The following ANKS1B variants were observed in gnomAD, a reference collection of about 807,000 sequenced individuals.
ANKS1B encodes ankyrin repeat and sterile alpha motif domain containing 1B.
ANKS1B carries 36 observed loss-of-function variants against 148.3 expected under a neutral mutation model. The ratio of observed to expected loss-of-function variants is 0.24; its 90% CI spans 0.19 to 0.32. The LOEUF (loss-of-function observed/expected upper bound fraction) is 0.32, where lower values mean the gene tolerates loss of function less well. Ranked by LOEUF, ANKS1B falls within the 10% of genes least tolerant of loss-of-function variation. ANKS1B has a pLI of 1.00. For synonymous variants in ANKS1B, 542 were observed against 560.8 expected, an observed-to-expected ratio of 0.97 and a Z score of 0.47; for missense variants, 1,157 against 1,542.6, an observed-to-expected ratio of 0.75 and a Z score of 4.19.
At chr12:99,340,233 T>C (rs2089671011) in intron 12 of ANKS1B, among the ~76,000 whole-genome samples, 1 of 152,158 alleles carries the variant, frequency 6.6e-6, no homozygotes, top group Non-Finnish European at 1.5e-5. Flanking sequence ...CACTTGGCTC[T>C]GATGATCAAA....
In ANKS1B at chr12:99,463,590, T is replaced by C. The variant is rs186568698; in HGVS notation, c.1439-19781A>G. The stretch of plus-strand genomic sequence containing the variant: ...GAAAATCAGGTCACTCCCACCCTAA[T>C]ACTGCGCTTTTCCGACAGGCTTAAA... On this transcript the variant is annotated intron_variant, in intron 10 of 26. Transcript: ENST00000683438. Among the ~76,000 whole-genome samples, 755 of 152,328 alleles carry C rather than the reference T, an allele frequency of 5.0e-3. 3 individuals are homozygous for C. The highest frequency in any genetic ancestry group is 8.0e-3 in the Non-Finnish European group (547 of 68,032).
chr12:99,636,818 G>A (rs1018464501), intron 9 of ANKS1B, among the ~76,000 whole-genome samples: 2 of 152,038 alleles, frequency 1.3e-5, no homozygotes, highest in East Asian at 1.9e-4. Flanking sequence ...GCAAATAAGT[G>A]AATTTCCAAA....
At chr12:99,028,668 T>C (rs922313240) in intron 17 of ANKS1B, among the ~76,000 whole-genome samples, 3 of 152,224 alleles carry the variant, frequency 2.0e-5, no homozygotes, top group Non-Finnish European at 2.9e-5. Context: ...TTTACTTCAA[T>C]CAATCCTTGG....
At chr12:99,181,101 G>A (rs1280198334) in intron 14 of ANKS1B, among the ~76,000 whole-genome samples, 1 of 152,130 alleles carries the variant, frequency 6.6e-6, no homozygotes, top group Non-Finnish European at 1.5e-5. Context: ...CTTTCCTTGG[G>A]TTTGTGGGTG....
At chr12:99,748,146 G>A (rs1288061998) in intron 8 of ANKS1B, among the ~76,000 whole-genome samples, 1 of 151,984 alleles carries the variant, frequency 6.6e-6, no homozygotes, top group East Asian at 1.9e-4. Flanking sequence ...TATCCATATG[G>A]AATAGAAAAC....
At chr12:99,344,172 A>C (rs1285269535) in intron 12 of ANKS1B, among the ~76,000 whole-genome samples, 1 of 151,942 alleles carries the variant, frequency 6.6e-6, no homozygotes, top group African/African-American at 2.4e-5. Flanking sequence ...TGTGAACTCT[A>C]TGCCCTAGCT....
intron 9 of ANKS1B, among the ~76,000 whole-genome samples, chr12:99,550,529 C>T (rs2097208180): frequency 6.6e-6 from 1 of 151,416 alleles, no homozygotes; most frequent in Non-Finnish European, 1.5e-5. Context: ...GAGACTGAGG[C>T]AGGAGAATCG....
At chr12:99,024,754 G>A (rs753531701) in intron 17 of ANKS1B, among the ~76,000 whole-genome samples, 1 of 152,160 alleles carries the variant, frequency 6.6e-6, no homozygotes, top group African/African-American at 2.4e-5. Flanking sequence ...ACTCAGTTAG[G>A]AGCGTACTTT....
chr12:99,179,674 C>A (rs1305281443), intron 14 of ANKS1B, among the ~76,000 whole-genome samples: 3 of 151,894 alleles, frequency 2.0e-5, no homozygotes, highest in African/African-American at 7.3e-5. Flanking sequence ...AATTATGTGA[C>A]CATGGGAAAA....
chr12:99,315,170 G>A (rs1349105704), intron 12 of ANKS1B, among the ~76,000 whole-genome samples: 1 of 151,480 alleles, frequency 6.6e-6, no homozygotes, highest in African/African-American at 2.4e-5. Context: ...AACCTGGGAG[G>A]CAGAGGTTGC....
intron 8 of ANKS1B, among the ~76,000 whole-genome samples, chr12:99,662,025 T>C (rs1203005052): frequency 6.6e-6 from 1 of 152,202 alleles, no homozygotes; most frequent in Non-Finnish European, 1.5e-5. Context: ...GAATCCTGGG[T>C]TCCTCATAGA....
At chr12:98,886,669 T>G (rs931427361) in intron 17 of ANKS1B, among the ~76,000 whole-genome samples, 1 of 152,166 alleles carries the variant, frequency 6.6e-6, no homozygotes, top group Non-Finnish European at 1.5e-5. Context: ...AGCTATGTTA[T>G]TAAGCTATGT....
chr12:99,645,073 T>C (rs183923664), intron 9 of ANKS1B, among the ~76,000 whole-genome samples: 390 of 152,370 alleles, frequency 2.6e-3, no homozygotes, highest in Non-Finnish European at 4.5e-3. Flanking sequence ...AGGTAATATA[T>C]TCACAGGTTG....
chr12:98,866,100 G>C (rs1052667029), intron 17 of ANKS1B, among the ~76,000 whole-genome samples: 4 of 152,084 alleles, frequency 2.6e-5, no homozygotes, highest in African/African-American at 9.7e-5. Flanking sequence ...ATCACTTTAG[G>C]AGTTAGGATT....
At chr12:99,591,540 G>A (rs944996808) in intron 9 of ANKS1B, among the ~76,000 whole-genome samples, 1 of 124,508 alleles carries the variant, frequency 8.0e-6, no homozygotes, top group African/African-American at 3.1e-5. Context: ...ACCATCAGTA[G>A]CTTCTAGGGT....
intron 17 of ANKS1B, among the ~76,000 whole-genome samples, chr12:98,885,837 G>T (rs568557895): frequency 6.6e-6 from 1 of 152,272 alleles, no homozygotes; most frequent in South Asian, 2.1e-4. Flanking sequence ...AAAGTGGATA[G>T]ATCCAAGCAA....
chr12:99,792,610 A>T (rs2065793207), intron 4 of ANKS1B, among the ~76,000 whole-genome samples: 1 of 151,936 alleles, frequency 6.6e-6, no homozygotes, highest in Non-Finnish European at 1.5e-5. Context: ...AGGACAAAAA[A>T]CATTATCATT....
intron 4 of ANKS1B, among the ~76,000 whole-genome samples, chr12:99,789,091 AACACAATCCCAGTGGTGGTTTCCG>A (rs2065324337): frequency 6.6e-6 from 1 of 152,180 alleles, no homozygotes; most frequent in Non-Finnish European, 1.5e-5. Flanking sequence ...GGTCTGACCC[AACACAATCCCAGTGGTGGTTTCCG>A]AAGGGGTGTT....
chr12:99,018,408 T>G (rs1480285681), intron 17 of ANKS1B, among the ~76,000 whole-genome samples: 1 of 152,218 alleles, frequency 6.6e-6, no homozygotes, highest in Admixed American at 6.5e-5. Context: ...AAATATGGTC[T>G]GGCTAAGAGA....
Sources: gnomAD v4.1 joint callset for allele counts (sites outside exome capture counted in the v4.1 genomes callset) on GRCh38, gnomAD v4.1.1 for gene constraint, MANE v1.5 for transcripts, NCBI Gene and HGNC (gene_info 2026-07-23, HGNC 2026-07-21) for gene names.